Variants in NOS1AP observed in about 807,000 individuals in gnomAD.
The protein encoded by NOS1AP is nitric oxide synthase 1 adaptor protein.
A neutral mutation model predicts 56.2 loss-of-function variants in NOS1AP; 21 were observed. That is an observed-to-expected ratio of 0.37 (90% CI 0.26 to 0.54). NOS1AP has a LOEUF of 0.54. NOS1AP is among the 20% of genes least tolerant of loss of function. The pLI, the probability that NOS1AP is intolerant of heterozygous loss-of-function variation, is 0.84. For synonymous variants in NOS1AP, 270 were observed against 274.6 expected (o/e 0.98, Z 0.17); for missense variants, 522 against 657.8 (o/e 0.79, Z 2.26).
At chr1:162,267,328 T>C (rs906087645) in intron 2 of NOS1AP, among the ~76,000 whole-genome samples, 2 of 152,156 alleles carry the variant, frequency 1.3e-5, no homozygotes, top group Admixed American at 6.5e-5. Flanking sequence ...GCCCCACCAG[T>C]GTTAGGGAAT....
rs531984430 is a variant in NOS1AP at position 162,233,303 on chromosome 1, C to T, written c.178-54041C>T. Among the ~76,000 whole-genome samples the T allele has an allele frequency of 1.8e-4, 28 of 152,288 alleles. 1 individual carries two copies. Among genetic ancestry groups the T allele is most frequent in the Middle Eastern group, 3.4e-3 (1 of 294 alleles). On this transcript the variant is annotated intron_variant, in intron 2 of 9. Transcript: ENST00000361897. ...TAAGTAGCTCCTCCCCACCCCAATG[C>T]CTGTGGCTCTTGCATGGTGGTGGCT...
At chr1:162,174,339 T>C (rs1009271976) in intron 2 of NOS1AP, among the ~76,000 whole-genome samples, 5 of 136,686 alleles carry the variant, frequency 3.7e-5, no homozygotes, top group Admixed American at 1.7e-4. Flanking sequence ...TGTTCTCACT[T>C]ATAGGTGGGA....
At chr1:162,318,244 A>G (rs1571214797) in intron 4 of NOS1AP, among the ~76,000 whole-genome samples, 1 of 152,182 alleles carries the variant, frequency 6.6e-6, no homozygotes, top group Admixed American at 6.5e-5. Context: ...CCTCAAACCC[A>G]CCATCCTGTC....
intron 4 of NOS1AP, among the ~76,000 whole-genome samples, chr1:162,327,933 G>GGTATGT (rs1282884051): frequency 6.6e-6 from 1 of 152,104 alleles, no homozygotes; most frequent in East Asian, 1.9e-4. Context: ...TGTAAAATGT[G>GGTATGT]GTATGTGTGT....
intron 2 of NOS1AP, among the ~76,000 whole-genome samples, chr1:162,262,278 A>C (rs561758924): frequency 3.9e-5 from 6 of 152,316 alleles, no homozygotes; most frequent in Non-Finnish European, 5.9e-5. Context: ...TATAAGCTAG[A>C]GAGATAACAA....
At chr1:162,254,778 A>G (rs1653974041) in intron 2 of NOS1AP, among the ~76,000 whole-genome samples, 1 of 152,212 alleles carries the variant, frequency 6.6e-6, no homozygotes, top group African/African-American at 2.4e-5. Flanking sequence ...AGCTGGGAAC[A>G]GGGCAATGCA....
chr1:162,250,810 TC>T (rs1488791178), intron 2 of NOS1AP, among the ~76,000 whole-genome samples: 1 of 152,096 alleles, frequency 6.6e-6, no homozygotes, highest in Non-Finnish European at 1.5e-5. Context: ...CTTGAGTTCT[TC>T]CTCCCTCTTA....
At chr1:162,076,481 A>G (rs555927994) in intron 1 of NOS1AP, among the ~76,000 whole-genome samples, 1 of 152,326 alleles carries the variant, frequency 6.6e-6, no homozygotes, top group Non-Finnish European at 1.5e-5. Context: ...CAATTCACTA[A>G]TTTAAAATGT....
chr1:162,270,762 C>T (rs74698003), intron 2 of NOS1AP, among the ~76,000 whole-genome samples: 4,547 of 152,262 alleles, frequency 0.03, 107 homozygotes, highest in Middle Eastern at 0.071. Context: ...CTTTTTAAAG[C>T]GATGAACCTT....
At chr1:162,269,864 A>G (rs1341532345) in intron 2 of NOS1AP, among the ~76,000 whole-genome samples, 2 of 152,132 alleles carry the variant, frequency 1.3e-5, no homozygotes, top group African/African-American at 2.4e-5. Flanking sequence ...TCTTAGGAAA[A>G]GAGAAATAGG....
intron 2 of NOS1AP, among the ~76,000 whole-genome samples, chr1:162,154,877 C>A (rs759103149): frequency 1.7e-4 from 26 of 152,136 alleles, no homozygotes; most frequent in Non-Finnish European, 3.4e-4. Flanking sequence ...TGGTCTCGAA[C>A]TGCAGAACTC....
chr1:162,285,947 CAGTT>C lies in NOS1AP; in HGVS notation c.178-1393_178-1390del, dbSNP rs1210522561. Reference sequence around the variant, plus strand: ...CAACGTGAAGAAGGATCTCTTACCTCAGTTAGTGAGGTCCTATTCTTGTAGAGAC... The same window carrying C: ...CAACGTGAAGAAGGATCTCTTACCTCAGTGAGGTCCTATTCTTGTAGAGAC... On this transcript the variant is annotated intron_variant, in intron 2 of 9. Coordinates refer to ENST00000361897, the MANE Select transcript of NOS1AP (RefSeq NM_014697.3). Among the ~76,000 whole-genome samples the C allele has an allele frequency of 9.9e-5, 15 of 152,276 alleles. No homozygotes were observed. The South Asian group carries it at 1.5e-3, about 15-fold the overall frequency.
intron 2 of NOS1AP, among the ~76,000 whole-genome samples, chr1:162,192,938 C>G (rs1437304997): frequency 6.6e-6 from 1 of 152,082 alleles, no homozygotes; most frequent in Non-Finnish European, 1.5e-5. Flanking sequence ...CTGATTTCAG[C>G]CAGACCCTCT....
chr1:162,161,680 C>G (rs1164651006), intron 2 of NOS1AP, among the ~76,000 whole-genome samples: 1 of 152,092 alleles, frequency 6.6e-6, no homozygotes, highest in East Asian at 1.9e-4. Context: ...ACAGCCTCAA[C>G]CTCCCAGGTT....
intron 2 of NOS1AP, among the ~76,000 whole-genome samples, chr1:162,204,723 G>A (rs1034639247): frequency 6.6e-6 from 1 of 152,220 alleles, no homozygotes; most frequent in Non-Finnish European, 1.5e-5. Context: ...TTTTCAAAAT[G>A]GAACGGAACA....
intron 6 of NOS1AP, among the ~76,000 whole-genome samples, chr1:162,347,464 A>G (rs902585486): frequency 6.6e-6 from 1 of 152,232 alleles, no homozygotes; most frequent in South Asian, 2.1e-4. Context: ...CAGAACAACC[A>G]TCGGAGGAAT....
At chr1:162,348,768 G>A (rs975144719) in intron 6 of NOS1AP, among the ~76,000 whole-genome samples, 4 of 152,222 alleles carry the variant, frequency 2.6e-5, no homozygotes, top group East Asian at 1.9e-4. Flanking sequence ...GGTGAGGAGA[G>A]GACCTGTGGG....
chr1:162,139,156 T>A (rs889597793), intron 1 of NOS1AP, among the ~76,000 whole-genome samples: 2 of 152,144 alleles, frequency 1.3e-5, no homozygotes, highest in African/African-American at 4.8e-5. Context: ...ATCCCGGGTT[T>A]TGACCTCATT....
intron 3 of NOS1AP, among the ~76,000 whole-genome samples, chr1:162,289,624 G>A (rs936983446): frequency 4.0e-5 from 6 of 151,658 alleles, no homozygotes; most frequent in East Asian, 1.9e-4. Flanking sequence ...ACAGGCGCCC[G>A]CCACTACGCC....
Sources: allele counts gnomAD v4.1 joint callset (sites outside exome capture counted in the v4.1 genomes callset), GRCh38; gene constraint gnomAD v4.1.1; transcripts MANE v1.5; gene names NCBI Gene and HGNC (gene_info 2026-07-23, HGNC 2026-07-21).